LMX1B: variants seen among roughly 807,000 people sequenced by gnomAD.
LMX1B encodes LIM homeobox transcription factor 1-beta.
In LMX1B, 12 loss-of-function variants were observed where a neutral mutation model predicts 51.4. The observed-to-expected ratio is 0.23, with a 90% confidence interval of 0.15 to 0.38. The LOEUF is 0.38. LMX1B is among the 10% of genes least tolerant of loss of function. The pLI is 1.00. For missense variants in LMX1B, 445 were observed against 571.1 expected, an observed-to-expected ratio of 0.78 and a Z score of 2.25; for synonymous variants, 237 against 235.4, an observed-to-expected ratio of 1.01 and a Z score of -0.06.
intron 2 of LMX1B, among the ~76,000 whole-genome samples, chr9:126,659,154 T>A (rs938225335): frequency 9.2e-5 from 14 of 152,228 alleles, no homozygotes; most frequent in African/African-American, 3.1e-4. Flanking sequence ...AAGGGCCCTG[T>A]CACAGGCCTG....
chr9:126,682,999 C>T (rs1360964666), intron 2 of LMX1B, among the ~76,000 whole-genome samples: 1 of 151,666 alleles, frequency 6.6e-6, no homozygotes, highest in South Asian at 2.1e-4. Context: ...CCCCGGGCTC[C>T]CGGCTGTGCC....
In LMX1B at chr9:126,615,392, G is replaced by C; in HGVS notation, c.149G>C (p.Cys50Ser). The C allele has an allele frequency of 6.2e-7, 1 of 1,600,156 alleles. No homozygotes were observed. Among genetic ancestry groups the C allele is most frequent in the Non-Finnish European group, 8.5e-7 (1 of 1,175,074 alleles). ...ATLGVLLGSD[C>S]PHPAVCEGCQ... ...GCCCTGTGCGCTACAGGCTCCGACT[G>C]CCCGCATCCCGCCGTCTGCGAGGGC... The change falls in exon 2 of 8, where the codon TGC becomes TCC. Residue 50 changes from cysteine to serine, a missense_variant. Physicochemically the swap from Cys to Ser is moderately radical, Grantham distance 112. Transcript: ENST00000373474. This position sits in a 1 kb window ranked among gnomAD's most constrained non-coding sequence, Gnocchi z 6.0.
At chr9:126,639,733 G>A (rs553109615) in intron 2 of LMX1B, among the ~76,000 whole-genome samples, 1 of 152,320 alleles carries the variant, frequency 6.6e-6, no homozygotes, top group Non-Finnish European at 1.5e-5. Flanking sequence ...GGGACCAAGG[G>A]GAGAGGCCCA....
Position 126,696,561 on chromosome 9 carries a change from A to G in LMX1B, c.*110A>G, listed in dbSNP as rs1009071814. On this transcript the variant is annotated 3_prime_UTR_variant, in exon 8 of 8. Coordinates refer to ENST00000373474, the MANE Select transcript of LMX1B (RefSeq NM_001174147.2). Reference sequence around the variant, plus strand: ...CTCTCCGCACAGACTACAGACAGCCATACGGTGCCCTCCCCTCGGCCAGCT... The same window carrying G: ...CTCTCCGCACAGACTACAGACAGCCGTACGGTGCCCTCCCCTCGGCCAGCT... 205 of 1,342,994 alleles carry G rather than the reference A, an allele frequency of 1.5e-4. No homozygotes were observed. Among genetic ancestry groups the G allele is most frequent in the Non-Finnish European group, 1.9e-4 (176 of 950,368 alleles). 83.2% of individuals were successfully genotyped at this position (1,342,994 alleles called of 1,614,324 possible).
At chr9:126,637,020 A>G (rs1835725553) in intron 2 of LMX1B, among the ~76,000 whole-genome samples, 1 of 152,232 alleles carries the variant, frequency 6.6e-6, no homozygotes, top group South Asian at 2.1e-4. Flanking sequence ...GGACTGGCCC[A>G]GCCTGGCATA....
At chr9:126,676,513 C>T (rs981234680) in intron 2 of LMX1B, among the ~76,000 whole-genome samples, 1 of 152,216 alleles carries the variant, frequency 6.6e-6, no homozygotes, top group Non-Finnish European at 1.5e-5. Flanking sequence ...TTGGGACGTG[C>T]CCACCTGGCC....
intron 2 of LMX1B, among the ~76,000 whole-genome samples, chr9:126,622,099 A>AGG: frequency 6.6e-6 from 1 of 152,116 alleles, no homozygotes; most frequent in Non-Finnish European, 1.5e-5. Context: ...AGGGAGGATG[A>AGG]GGGGCTGGGG....
At chr9:126,630,242 C>A (rs1398621867) in intron 2 of LMX1B, among the ~76,000 whole-genome samples, 3 of 151,922 alleles carry the variant, frequency 2.0e-5, no homozygotes, top group East Asian at 3.9e-4. Context: ...TGAAGCCACA[C>A]ACCTAGGGCC....
chr9:126,618,188 G>C lies in LMX1B; in HGVS notation c.326+2619G>C, dbSNP rs1835339077. Among the ~76,000 whole-genome samples the C allele has an allele frequency of 6.6e-6, 1 of 152,160 alleles. No homozygotes were observed. Among genetic ancestry groups the C allele is most frequent in the African/African-American group, 2.4e-5 (1 of 41,416 alleles). On this transcript the variant is annotated intron_variant, in intron 2 of 7. Coordinates refer to ENST00000373474, the MANE Select transcript of LMX1B (RefSeq NM_001174147.2). This position sits in a 1 kb window ranked among gnomAD's most constrained non-coding sequence, Gnocchi z 4.5. The stretch of plus-strand genomic sequence containing the variant: ...CGAGTCTGTGCGTCAGCGGTATTGA[G>C]AAATTAACAATCCCCCCACCAAACA...
rs112126419 is a variant in LMX1B at position 126,658,396 on chromosome 9, C to CG, written c.327-32437dup. 0.12 allele frequency among the ~76,000 whole-genome samples: 17,519 copies of CG among 152,040 alleles called. 1,169 individuals are homozygous for CG. The highest frequency in any genetic ancestry group is 0.23 in the East Asian group (1,181 of 5,148). On this transcript the variant is annotated intron_variant, in intron 2 of 7. Transcript: ENST00000373474. The surrounding 1 kb of genome is among the most constrained non-coding windows in gnomAD (Gnocchi z 4.0). Reference sequence around the variant, plus strand: ...TGGCCCTCCCCCTGGCTGCCGGGCCCGGGCACCCCTGCTGCTGACCCCCTG... The same window carrying CG: ...TGGCCCTCCCCCTGGCTGCCGGGCCCGGGGCACCCCTGCTGCTGACCCCCTG...
chr9:126,644,635 G>A (rs1328433363), intron 2 of LMX1B, among the ~76,000 whole-genome samples: 2 of 152,182 alleles, frequency 1.3e-5, no homozygotes, highest in Non-Finnish European at 2.9e-5. Context: ...ATGAAACAGG[G>A]CTCGGGGAAG....
intron 2 of LMX1B, among the ~76,000 whole-genome samples, chr9:126,657,242 A>G (rs1001337893): frequency 6.6e-6 from 1 of 152,246 alleles, no homozygotes; most frequent in Non-Finnish European, 1.5e-5. Context: ...CAGCTTGGCA[A>G]AGTGAACATA....
At chr9:126,678,452 G>A (rs755416715) in intron 2 of LMX1B, among the ~76,000 whole-genome samples, 2 of 152,110 alleles carry the variant, frequency 1.3e-5, no homozygotes, top group South Asian at 4.1e-4. Flanking sequence ...TGGGGCCCCA[G>A]CTGAAGCTGG....
intron 2 of LMX1B, among the ~76,000 whole-genome samples, chr9:126,676,551 A>T (rs2118957108): frequency 6.6e-6 from 1 of 152,316 alleles, no homozygotes; most frequent in African/African-American, 2.4e-5. Flanking sequence ...ATTTTGCCAG[A>T]CTCACAGCGG....
intron 2 of LMX1B, among the ~76,000 whole-genome samples, chr9:126,680,931 A>G (rs2118965767): frequency 6.6e-6 from 1 of 152,170 alleles, no homozygotes; most frequent in African/African-American, 2.4e-5. Flanking sequence ...GCCAGAAACG[A>G]TGCAGGGAAG....
intron 2 of LMX1B, among the ~76,000 whole-genome samples, chr9:126,624,166 C>A (rs1224925331): frequency 6.6e-6 from 1 of 152,236 alleles, no homozygotes; most frequent in Non-Finnish European, 1.5e-5. Context: ...TAGGCTGAAG[C>A]CCGGAGTCCA....
intron 2 of LMX1B, among the ~76,000 whole-genome samples, chr9:126,630,161 C>CA (rs386416246): frequency 0.055 from 4,605 of 83,736 alleles, 581 homozygotes; most frequent in African/African-American, 0.2. Flanking sequence ...GACTCCGTCT[C>CA]AAAAAAAAAA....
At chr9:126,645,718 A>T (rs1320873077) in intron 2 of LMX1B, among the ~76,000 whole-genome samples, 1 of 152,130 alleles carries the variant, frequency 6.6e-6, no homozygotes, top group African/African-American at 2.4e-5. Flanking sequence ...TCTCTGGAGA[A>T]CCATTCCAGG....
chr9:126,642,859 A>G (rs1205571805), intron 2 of LMX1B, among the ~76,000 whole-genome samples: 2 of 152,194 alleles, frequency 1.3e-5, no homozygotes, highest in Non-Finnish European at 2.9e-5. Flanking sequence ...CTGGTTGTGG[A>G]CAGGGACCCC....
Sources: allele counts gnomAD v4.1 joint callset (sites outside exome capture counted in the v4.1 genomes callset), GRCh38; gene constraint gnomAD v4.1.1; non-coding constraint Gnocchi (gnomAD v3.1); transcripts MANE v1.5; gene names NCBI Gene and HGNC (gene_info 2026-07-23, HGNC 2026-07-21).